The following CCT4 variants were observed in gnomAD, a reference collection of about 807,000 sequenced individuals.
CCT4 encodes chaperonin containing TCP1 subunit 4.
Under a neutral mutation model 62.5 loss-of-function variants are expected in CCT4, and 17 were observed. The ratio of observed to expected loss-of-function variants is 0.27; its 90% CI spans 0.19 to 0.41. The LOEUF is 0.41. CCT4 is among the 10% of genes least tolerant of loss of function. CCT4 has a pLI of 1.00. For synonymous variants in CCT4, 250 were observed against 229.9 expected (o/e 1.09, Z -0.79); for missense variants, 592 against 659.2 (o/e 0.90, Z 1.12).
Position 61,877,499 on chromosome 2 carries a change from A to C in CCT4, c.538T>G (p.Ser180Ala). 6.3e-7 allele frequency: 1 copy of C among 1,587,186 alleles called. No individual in the cohort carries two copies. Among genetic ancestry groups the C allele is most frequent in the Non-Finnish European group, 8.5e-7 (1 of 1,171,496 alleles). The change falls in exon 6 of 14, where the codon TCA becomes GCA. Residue 180 changes from serine to alanine, a missense_variant. Ser to Ala is a moderately conservative substitution (Grantham distance 99, BLOSUM62 1). Around this residue, in one of 3 missense-constraint regions of CCT4, gnomAD observed 522 missense variants for 571.2 expected, o/e 0.91. Coordinates refer to ENST00000394440, the MANE Select transcript of CCT4 (RefSeq NM_006430.4). ...ACACTCATTGGAGAAAGCAGACTTGAATACTGAGAAACCACCTAGAATTAT... is the reference window on the plus strand; with the variant it reads ...ACACTCATTGGAGAAAGCAGACTTGCATACTGAGAAACCACCTAGAATTAT... ...SLNSKVVSQY[S>A]SLLSPMSVNA...
At position 61,876,971 on chromosome 2, in the gene CCT4, T is replaced by C. The variant is rs149412745; in HGVS notation, c.726A>G (p.Glu242=). 6.1e-5 allele frequency: 99 copies of C among 1,613,892 alleles called. No individual in the cohort carries two copies. Among genetic ancestry groups the C allele is most frequent in the Non-Finnish European group, 8.1e-5 (96 of 1,179,890 alleles). The change falls in exon 7 of 14, where the codon GAA becomes GAG. Residue 242 remains glutamate, a synonymous_variant. Coordinates refer to ENST00000394440, the MANE Select transcript of CCT4 (RefSeq NM_006430.4). ...ACTGAATAAGCCCAATCTTGGCCTT[T>C]TCAACTCTGGTTATGCCAGAATTTG... ...KVSNSGITRV[E]KAKIGLIQFC... is the part of the protein sequence containing the mutation.
intron 1 of CCT4, among the ~76,000 whole-genome samples, chr2:61,887,482 T>A (rs566101219): frequency 6.6e-6 from 1 of 152,244 alleles, no homozygotes; most frequent in East Asian, 1.9e-4. Flanking sequence ...AGCTTTCTAA[T>A]CTCACCTCTT....
chr2:61,888,156 G>A (rs1669302686), intron 1 of CCT4: 2 of 550,756 alleles, frequency 3.6e-6, no homozygotes, highest in Non-Finnish European at 6.4e-6. Context: ...AAAACTAAGG[G>A]AGATTAAGAT....
In CCT4 at chr2:61,869,448, C is replaced by G; in HGVS notation, c.1597G>C (p.Asp533His). The change falls in exon 13 of 14, where the codon GAT becomes CAT. Residue 533 changes from aspartate to histidine, a missense_variant. Physicochemically the swap from Asp to His is moderately conservative, Grantham distance 81. This residue lies in a region of CCT4 where 522 missense variants were observed against 571.2 expected (regional missense o/e 0.91). Transcript: ENST00000394440. ...TETVRSILKI[D>H]DVVNTR ...AACCTGGAAACACTTACCACATCAT[C>G]TATTTTCAGAATGCTCCGAACAGTT... 1 of 1,589,246 alleles carries G rather than the reference C, an allele frequency of 6.3e-7. No individual in the cohort carries two copies. Among genetic ancestry groups the G allele is most frequent in the East Asian group, 2.2e-5 (1 of 44,738 alleles).
chr2:61,884,150 A>C (rs1056254484), intron 2 of CCT4, among the ~76,000 whole-genome samples: 1 of 152,242 alleles, frequency 6.6e-6, no homozygotes, highest in Non-Finnish European at 1.5e-5. Context: ...ACCTGGATTT[A>C]TAATAGTTTC....
At chr2:61,886,064 C>G (rs1421347518) in intron 1 of CCT4, 1 of 152,186 alleles carries the variant, frequency 6.6e-6, no homozygotes, top group Admixed American at 6.6e-5. Flanking sequence ...CCGCCAACAC[C>G]GCCAAAAGGG....
Position 61,869,460 on chromosome 2 carries a change from T to C in CCT4, c.1585A>G (p.Ile529Val). The C allele has an allele frequency of 6.2e-7, 1 of 1,605,790 alleles. No individual in the cohort carries two copies. Among genetic ancestry groups the C allele is most frequent in the Non-Finnish European group, 8.5e-7 (1 of 1,172,402 alleles). Residue 529 changes from isoleucine (I) to valine (V), a missense_variant, in exon 13 of 14, where the codon ATT (isoleucine) becomes GTT (valine). This residue lies in a region of CCT4 where 522 missense variants were observed against 571.2 expected (regional missense o/e 0.91). Transcript: ENST00000394440. ...CTTACCACATCATCTATTTTCAGAATGCTCCGAACAGTTTCAGTTGCAAGA... is the reference window on the plus strand; with the variant it reads ...CTTACCACATCATCTATTTTCAGAACGCTCCGAACAGTTTCAGTTGCAAGA... ...LTLATETVRS[I>V]LKIDDVVNTR
chr2:61,872,477 G>A lies in CCT4; in HGVS notation c.1237C>T (p.Arg413Cys), dbSNP rs1459274786. 2.5e-6 allele frequency: 4 copies of A among 1,612,732 alleles called. No individual in the cohort carries two copies. The African/African-American group carries it at 4.0e-5, about 16-fold the overall frequency. Residue 413 changes from arginine to cysteine, a missense_variant, in exon 11 of 14, where the codon CGT (arginine) becomes TGT (cysteine). Physicochemically the swap from Arg to Cys is radical, Grantham distance 180 (BLOSUM62 -3). This residue lies in a region of CCT4 where 522 missense variants were observed against 571.2 expected (regional missense o/e 0.91). Coordinates refer to ENST00000394440, the MANE Select transcript of CCT4 (RefSeq NM_006430.4). Reference sequence around the variant, plus strand: ...CATTACCTCTTCTTCACTAAACAACGAATAACACATAGGGCATCATGAATG... The same window carrying A: ...CATTACCTCTTCTTCACTAAACAACAAATAACACATAGGGCATCATGAATG... Reference protein sequence around the residue: ...RSIHDALCVIRCLVKKRALIA... With the variant: ...RSIHDALCVICCLVKKRALIA...
chr2:61,887,842 T>C (rs1669294318), intron 1 of CCT4: 1 of 152,312 alleles, frequency 6.6e-6, no homozygotes, highest in Admixed American at 6.5e-5. Flanking sequence ...ACGTAACTTT[T>C]CCGCAACTAT....
intron 2 of CCT4, among the ~76,000 whole-genome samples, chr2:61,884,034 A>C (rs1038260979): frequency 6.6e-6 from 1 of 152,112 alleles, no homozygotes; most frequent in African/African-American, 2.4e-5. Flanking sequence ...AGCGGAGAAT[A>C]ATCTATAGTA....
chr2:61,879,302 C>T (rs1669064470), intron 4 of CCT4, among the ~76,000 whole-genome samples: 1 of 130,846 alleles, frequency 7.6e-6, no homozygotes, highest in African/African-American at 2.9e-5. Flanking sequence ...TACTCTGTCA[C>T]CCAGGCTAGA....
chr2:61,868,676 T>TA lies in CCT4; in HGVS notation c.*15dup, dbSNP rs778819197. ...ACAATACTGGTGATCATAATGGTGC[T>TA]AGTCAGTTATCCAGATTATCGAGTG... On this transcript the variant is annotated 3_prime_UTR_variant, in exon 14 of 14. Transcript: ENST00000394440. The TA allele has an allele frequency of 3.2e-6, 5 of 1,578,574 alleles. No individual in the cohort carries two copies. The highest frequency in any genetic ancestry group is 4.4e-6 in the Non-Finnish European group (5 of 1,147,838).
intron 4 of CCT4, among the ~76,000 whole-genome samples, chr2:61,879,962 A>G (rs1669077973): frequency 6.6e-6 from 1 of 151,930 alleles, no homozygotes; most frequent in African/African-American, 2.4e-5. Context: ...TCCTGACCTC[A>G]GGGGATCCAC....
chr2:61,870,067 G>T (rs1429049658), intron 12 of CCT4, among the ~76,000 whole-genome samples: 4 of 150,662 alleles, frequency 2.7e-5, no homozygotes, highest in Admixed American at 2.6e-4. Context: ...CACGAGGTCA[G>T]GAGATCGAGA....
Position 61,878,856 on chromosome 2 carries a change from G to A in CCT4, c.522+13C>T. ...TAACTAATTTGACAAGTATCCGTTA[G>A]TGTTTGTCTCACCTTTGAGTTCAGT... On this transcript the variant is annotated intron_variant, in intron 5 of 13. Transcript: ENST00000394440. 1 of 1,592,494 alleles carries A rather than the reference G, an allele frequency of 6.3e-7. No individual in the cohort carries two copies.
At chr2:61,870,312 G>A (rs1479386259) in intron 12 of CCT4, among the ~76,000 whole-genome samples, 1 of 152,042 alleles carries the variant, frequency 6.6e-6, no homozygotes, top group Non-Finnish European at 1.5e-5. Context: ...TCTCTTTAAT[G>A]TTTAAATCAT....
intron 6 of CCT4, 107 bp from the exon 7 acceptor site, chr2:61,877,159 C>T: frequency 9.3e-7 from 1 of 1,079,052 alleles, no homozygotes; most frequent in South Asian, 1.5e-5. Context: ...TATGATTCAG[C>T]CTCACATTTA....
chr2:61,878,852 G>C lies in CCT4; in HGVS notation c.522+17C>G. On this transcript the variant is annotated intron_variant, in intron 5 of 13. Transcript: ENST00000394440. ...CTTTTAACTAATTTGACAAGTATCC[G>C]TTAGTGTTTGTCTCACCTTTGAGTT... 6.3e-7 allele frequency: 1 copy of C among 1,583,244 alleles called. No homozygotes were observed. The highest frequency in any genetic ancestry group is 1.1e-5 in the South Asian group (1 of 88,548).
In CCT4 at chr2:61,888,484, C is replaced by G. The variant is rs767859743; in HGVS notation, c.24G>C (p.Arg8=). The G allele has an allele frequency of 6.2e-7, 1 of 1,611,864 alleles. No individual in the cohort carries two copies. The highest frequency in any genetic ancestry group is 1.7e-5 in the Admixed American group (1 of 59,868). MPENVAP[R]SGATAGAAGG... is the part of the protein sequence containing the mutation. Reference sequence around the variant, plus strand: ...CGGCAGCCCCGGCAGTCGCCCCGCTCCGGGGTGCCACATTCTCGGGCATGG... The same window carrying G: ...CGGCAGCCCCGGCAGTCGCCCCGCTGCGGGGTGCCACATTCTCGGGCATGG... Residue 8 remains arginine (R), a synonymous_variant, in exon 1 of 14, where the codon CGG becomes CGC. Transcript: ENST00000394440.
Sources: gnomAD v4.1 joint callset for allele counts (sites outside exome capture counted in the v4.1 genomes callset) on GRCh38, gnomAD v4.1.1 for gene constraint, gnomAD v4.1.1 regional missense constraint, MANE v1.5 for transcripts, NCBI Gene and HGNC (gene_info 2026-07-23, HGNC 2026-07-21) for gene names.